ADAM9: variants seen among roughly 807,000 people sequenced by gnomAD.
The protein encoded by ADAM9 is ADAM metallopeptidase domain 9.
In ADAM9, 54 loss-of-function variants were observed where a neutral mutation model predicts 108.1. The observed-to-expected ratio is 0.50, with a 90% CI of 0.40 to 0.63. The LOEUF is 0.63. ADAM9 is among the 20% of genes least tolerant of loss of function. The probability of loss-of-function intolerance (pLI) is 0.00; values close to 1 mark genes in which losing one functional copy is unlikely to be tolerated. For synonymous variants in ADAM9, 316 were observed against 336.0 expected, an observed-to-expected ratio of 0.94 and a Z score of 0.65; for missense variants, 830 against 997.7, an observed-to-expected ratio of 0.83 and a Z score of 2.26.
intron 15 of ADAM9, among the ~76,000 whole-genome samples, chr8:39,074,506 TTACTC>T (rs1399904135): frequency 1.3e-5 from 2 of 152,092 alleles, no homozygotes; most frequent in Non-Finnish European, 2.9e-5. Context: ...ACATGATACT[TTACTC>T]CTAAATTCCT....
intron 1 of ADAM9, among the ~76,000 whole-genome samples, chr8:38,997,884 G>A (rs1835872996): frequency 6.6e-6 from 1 of 152,214 alleles, no homozygotes; most frequent in South Asian, 2.1e-4. Flanking sequence ...GATTATTGTA[G>A]GAATTAAATC....
intron 20 of ADAM9, among the ~76,000 whole-genome samples, chr8:39,099,073 A>G (rs958568053): frequency 1.3e-5 from 2 of 152,094 alleles, no homozygotes; most frequent in African/African-American, 4.8e-5. Context: ...TTCCCCATCT[A>G]TCAGCACCAA....
At chr8:39,100,841 C>A (rs564314534) in intron 20 of ADAM9, among the ~76,000 whole-genome samples, 2 of 152,278 alleles carry the variant, frequency 1.3e-5, no homozygotes, top group African/African-American at 4.8e-5. Flanking sequence ...TTAGTAATTC[C>A]ATCTGATCAT....
At chr8:39,044,407 A>G (rs535088442) in intron 12 of ADAM9, among the ~76,000 whole-genome samples, 52 of 151,998 alleles carry the variant, frequency 3.4e-4, no homozygotes, top group Non-Finnish European at 6.6e-4. Flanking sequence ...GTGGGTTTTT[A>G]TTTCTGCATT....
chr8:39,050,259 TA>T (rs1837913658), intron 12 of ADAM9, among the ~76,000 whole-genome samples: 1 of 152,192 alleles, frequency 6.6e-6, no homozygotes, highest in Non-Finnish European at 1.5e-5. Context: ...TCTTCTTACT[TA>T]AGGTTCTTTG....
At chr8:39,006,604 T>G (rs1187385262) in intron 1 of ADAM9, among the ~76,000 whole-genome samples, 1 of 103,878 alleles carries the variant, frequency 9.6e-6, no homozygotes, top group Non-Finnish European at 2.2e-5. Flanking sequence ...GTAATAATGC[T>G]GGAAGAAAAA....
Position 39,083,055 on chromosome 8 carries a change from A to C in ADAM9, c.2050A>C (p.Ser684Arg). ...ETKGYGGSVD[S>R]GPTYNEMNTA... ...TAAAGGATACGGAGGAAGTGTGGACAGTGGACCTACATACAATGGCAAGTA... is the reference window on the plus strand; with the variant it reads ...TAAAGGATACGGAGGAAGTGTGGACCGTGGACCTACATACAATGGCAAGTA... Residue 684 changes from serine (S) to arginine (R), a missense_variant, in exon 18 of 22, where the codon AGT becomes CGT. Transcript: ENST00000487273. The C allele has an allele frequency of 1.2e-6, 2 of 1,613,858 alleles. No homozygotes were observed. Among genetic ancestry groups the C allele is most frequent in the Non-Finnish European group, 1.7e-6 (2 of 1,179,762 alleles).
intron 16 of ADAM9, among the ~76,000 whole-genome samples, chr8:39,078,235 A>C (rs1267200261): frequency 6.6e-6 from 1 of 152,082 alleles, no homozygotes; most frequent in African/African-American, 2.4e-5. Flanking sequence ...AATAAACTTG[A>C]TCGTTGCAGC....
chr8:39,003,075 C>T (rs998540882), intron 1 of ADAM9, among the ~76,000 whole-genome samples: 13 of 152,132 alleles, frequency 8.5e-5, no homozygotes, highest in Non-Finnish European at 1.2e-4. Context: ...AGGGTTTCAC[C>T]ATGTTGGCCA....
intron 11 of ADAM9, among the ~76,000 whole-genome samples, chr8:39,029,456 A>G (rs1363616110): frequency 6.6e-6 from 1 of 152,160 alleles, no homozygotes; most frequent in Non-Finnish European, 1.5e-5. Context: ...GTGAGTACCT[A>G]TGTCTTGTCC....
At chr8:39,045,815 A>G (rs573019213) in intron 12 of ADAM9, among the ~76,000 whole-genome samples, 182 of 152,046 alleles carry the variant, frequency 1.2e-3, no homozygotes, top group African/African-American at 4.3e-3. Flanking sequence ...AGGTTGAACT[A>G]ATTTACATTC....
Position 39,104,869 on chromosome 8 carries a change from T to C in ADAM9, c.*1169T>C. 2.3e-6 allele frequency: 1 copy of C among 442,480 alleles called. No individual in the cohort carries two copies. The highest frequency in any genetic ancestry group is 4.5e-6 in the Non-Finnish European group (1 of 223,940). The allele number at this position is 442,480 out of a possible 1,614,324, so 27.4% of individuals were successfully genotyped here. A position where few individuals can be genotyped will look rare whatever the true frequency, so the allele number is the denominator to read the frequency against. On this transcript the variant is annotated 3_prime_UTR_variant, in exon 22 of 22. Transcript: ENST00000487273. ...ATTTTAAGCACTAAAAATTTTTTCATAACCTTTCATAATAAAGTTTAATAA... is the reference window on the plus strand; with the variant it reads ...ATTTTAAGCACTAAAAATTTTTTCACAACCTTTCATAATAAAGTTTAATAA...
chr8:39,055,652 C>G lies in ADAM9; in HGVS notation c.1471C>G (p.Gln491Glu). 1.2e-6 allele frequency: 2 copies of G among 1,613,772 alleles called. No homozygotes were observed. Among genetic ancestry groups the G allele is most frequent in the Non-Finnish European group, 1.7e-6 (2 of 1,179,764 alleles). Residue 491 changes from glutamine to glutamate, a missense_variant, in exon 14 of 22, where the codon CAG (glutamine) becomes GAG (glutamate). Coordinates refer to ENST00000487273, the MANE Select transcript of ADAM9 (RefSeq NM_003816.3). ...TCCAGAGTACTGCAATGGTTCTTCT[C>G]AGTTCTGTCAGCCAGATGTTTTTAT... ...DVPEYCNGSS[Q>E]FCQPDVFIQN...
chr8:39,045,558 A>ATG (rs772438762), intron 12 of ADAM9, among the ~76,000 whole-genome samples: 126 of 75,874 alleles, frequency 1.7e-3, no homozygotes, highest in Non-Finnish European at 2.5e-3. Context: ...GTGTGTGTAT[A>ATG]TGTGTGTGTG....
At chr8:39,015,162 A>G (rs1836486779) in intron 4 of ADAM9, 1 of 152,260 alleles carries the variant, frequency 6.6e-6, no homozygotes, top group Non-Finnish European at 1.5e-5. Flanking sequence ...GTTTTGACTC[A>G]TTATTTGCTG....
chr8:39,096,974 G>A (rs1460817122), intron 20 of ADAM9, among the ~76,000 whole-genome samples: 1 of 151,974 alleles, frequency 6.6e-6, no homozygotes, highest in African/African-American at 2.4e-5. Context: ...GAATTCTTTG[G>A]TAATTTATAT....
At chr8:39,068,734 T>G (rs1394043458) in intron 14 of ADAM9, among the ~76,000 whole-genome samples, 1 of 127,938 alleles carries the variant, frequency 7.8e-6, no homozygotes, top group African/African-American at 2.9e-5. Context: ...GTCAGCATTC[T>G]GGGAGGGAAA....
chr8:39,059,990 C>T (rs1021995854), intron 14 of ADAM9, among the ~76,000 whole-genome samples: 4 of 152,204 alleles, frequency 2.6e-5, no homozygotes, highest in Admixed American at 2.0e-4. Context: ...CAATTACATA[C>T]GTAGCACTTC....
intron 11 of ADAM9, among the ~76,000 whole-genome samples, chr8:39,038,881 A>G (rs1049720098): frequency 6.6e-6 from 1 of 152,146 alleles, no homozygotes; most frequent in Non-Finnish European, 1.5e-5. Context: ...CAAACCATTG[A>G]TAGTTTATGT....
Sources: allele counts gnomAD v4.1 joint callset (sites outside exome capture counted in the v4.1 genomes callset), GRCh38; gene constraint gnomAD v4.1.1; transcripts MANE v1.5; gene names NCBI Gene and HGNC (gene_info 2026-07-23, HGNC 2026-07-21).